The following WDR49 variants were observed in gnomAD, a reference collection of about 807,000 sequenced individuals.
WDR49 encodes the protein cilia- and flagella-associated protein 337.
In WDR49, 107 loss-of-function variants were observed where a neutral mutation model predicts 119.5. That is an observed-to-expected ratio of 0.90 (90% confidence interval 0.77 to 1.05). The LOEUF is 1.05. Ranked by LOEUF, WDR49 falls within the 50% of genes least tolerant of loss-of-function variation. The pLI is 0.00. For synonymous variants in WDR49, 425 were observed against 418.8 expected (o/e 1.01, Z -0.18); for missense variants, 1,240 against 1,220.5 (o/e 1.02, Z -0.24).
chr3:167,481,250 T>C (rs183689078), intron 18 of WDR49, among the ~76,000 whole-genome samples: 196 of 152,268 alleles, frequency 1.3e-3, no homozygotes, highest in Non-Finnish European at 2.2e-3. Context: ...CAAACATTGT[T>C]ACCAAGCATT....
intron 10 of WDR49, among the ~76,000 whole-genome samples, chr3:167,541,773 A>G (rs1232351050): frequency 6.6e-6 from 1 of 152,142 alleles, no homozygotes; most frequent in African/African-American, 2.4e-5. Context: ...ATGGATAAAA[A>G]TCCACCAGTC....
In WDR49 at chr3:167,574,889, T is replaced by C. The variant is rs550533256; in HGVS notation, c.1509+1029A>G. On this transcript the variant is annotated intron_variant, in intron 8 of 18. Transcript: ENST00000682715. ...GATCAGTAAAACATTTAGCAGGAAA[T>C]GTTTTCCCGCAGATGGAATTCAAAA... Among the ~76,000 whole-genome samples, 19 of 152,284 alleles carry C rather than the reference T, an allele frequency of 1.2e-4. No homozygotes were observed. In the South Asian group the frequency reaches 3.7e-3, roughly 30 times the overall value.
In WDR49 at chr3:167,583,293, TA is replaced by T. The variant is rs1036820934; in HGVS notation, c.1276-7143del. On this transcript the variant is annotated intron_variant, in intron 7 of 18. Coordinates refer to ENST00000682715, the MANE Select transcript of WDR49 (RefSeq NM_001366157.1). ...TACTCAATATTTATACTAACAACTT[TA>T]AAAAAAATCAAAAGCAGCTACAGCA... Among the ~76,000 whole-genome samples, 340 of 151,954 alleles carry T rather than the reference TA, an allele frequency of 2.2e-3. 3 individuals carry two copies. The highest frequency in any genetic ancestry group is 0.015 in the South Asian group (70 of 4,794).
At chr3:167,581,825 G>A (rs1386466880) in intron 7 of WDR49, among the ~76,000 whole-genome samples, 4 of 152,070 alleles carry the variant, frequency 2.6e-5, no homozygotes, top group Non-Finnish European at 1.5e-5. Context: ...CTAGCAACAT[G>A]TTTAATTCAA....
At chr3:167,602,944 T>C (rs938110538) in intron 6 of WDR49, among the ~76,000 whole-genome samples, 3 of 152,144 alleles carry the variant, frequency 2.0e-5, no homozygotes, top group Non-Finnish European at 2.9e-5. Flanking sequence ...GGCTACAGCA[T>C]ATAGCTTAGG....
At chr3:167,487,130 A>G (rs182134446) in intron 18 of WDR49, among the ~76,000 whole-genome samples, 2 of 152,280 alleles carry the variant, frequency 1.3e-5, no homozygotes, top group Non-Finnish European at 1.5e-5. Flanking sequence ...TTCAAACTAT[A>G]CTATAAGGCC....
At chr3:167,521,967 T>TAGAC (rs1560266067) in intron 16 of WDR49, among the ~76,000 whole-genome samples, 1 of 40,244 alleles carries the variant, frequency 2.5e-5, no homozygotes, top group African/African-American at 7.5e-5. Context: ...CATTCTAAGA[T>TAGAC]AGATAGATAG....
At position 167,627,304 on chromosome 3, in the gene WDR49, A is replaced by C; in HGVS notation, c.166-12T>G. 1 of 1,234,908 alleles carries C rather than the reference A, an allele frequency of 8.1e-7. No homozygotes were observed. Among genetic ancestry groups the C allele is most frequent in the Non-Finnish European group, 1.0e-6 (1 of 988,658 alleles). The allele number at this position is 1,234,908 out of a possible 1,614,324, so 76.5% of individuals were successfully genotyped here. A position where few individuals can be genotyped will look rare whatever the true frequency, so the allele number is the denominator to read the frequency against. ...CTTGGCTGTGGGGACTAGAAACAGG[A>C]ATCCAAAAACAATAATGAGACAACA... On this transcript the variant is annotated splice_polypyrimidine_tract_variant and intron_variant, in intron 2 of 18. Transcript: ENST00000682715.
chr3:167,527,772 A>G, intron 15 of WDR49, 48 bp downstream of exon 15: 1 of 1,553,252 alleles, frequency 6.4e-7, no homozygotes, highest in East Asian at 2.3e-5. Context: ...CCAAGTTAAT[A>G]CTAAATGTCA....
rs1292555574 is a variant in WDR49 at position 167,478,804 on chromosome 3, A to C, written c.*74T>G. 2 of 1,037,742 alleles carry C rather than the reference A, an allele frequency of 1.9e-6. No individual in the cohort carries two copies. Among genetic ancestry groups the C allele is most frequent in the Non-Finnish European group, 2.8e-6 (2 of 713,744 alleles). The allele number at this position is 1,037,742 out of a possible 1,614,324, so 64.3% of individuals were successfully genotyped here. On this transcript the variant is annotated 3_prime_UTR_variant, in exon 19 of 19. Coordinates refer to ENST00000682715, the MANE Select transcript of WDR49 (RefSeq NM_001366157.1). The stretch of plus-strand genomic sequence containing the variant: ...AAGTTTAAATATAAAATAAAATAAA[A>C]GGCAGAATTCTTGATGCTTTTTCTG...
At chr3:167,626,061 G>A (rs1025322545) in intron 3 of WDR49, among the ~76,000 whole-genome samples, 2 of 152,022 alleles carry the variant, frequency 1.3e-5, no homozygotes, top group Admixed American at 6.6e-5. Flanking sequence ...ATATGTACAT[G>A]ACTGGATATT....
chr3:167,547,660 T>C (rs1410036783), intron 10 of WDR49, among the ~76,000 whole-genome samples: 3 of 151,022 alleles, frequency 2.0e-5, no homozygotes, highest in Non-Finnish European at 4.4e-5. Context: ...GATTTTCTTT[T>C]TTTTTTTTTT....
chr3:167,655,211 A>T (rs2108351910), upstream of WDR49, among the ~76,000 whole-genome samples: 2 of 152,282 alleles, frequency 1.3e-5, no homozygotes, highest in Non-Finnish European at 2.9e-5. Flanking sequence ...AGATCTCATG[A>T]GACTTATTCA....
rs1717155220 is a variant in WDR49, at chr3:167,626,930, T to C, written c.528A>G (p.Thr176=). 3.8e-6 allele frequency: 5 copies of C among 1,301,774 alleles called. No individual in the cohort carries two copies. In the East Asian group the frequency reaches 8.7e-5, roughly 23 times the overall value. 80.6% of individuals were successfully genotyped at this position (1,301,774 alleles called of 1,614,324 possible). The part of the protein sequence containing the change: ...IWGEHLKLQE[T]FPITSDATKL... ...TGGTGGCATCTGAAGTGATGGGGAA[T>C]GTTTCTTGCAGCTTTAAATGCTCTC... The change falls in exon 3 of 19, where the codon ACA becomes ACG. Residue 176 remains threonine (T), a synonymous_variant. Transcript: ENST00000682715.
chr3:167,636,723 T>A (rs1717638090), intron 2 of WDR49, among the ~76,000 whole-genome samples: 1 of 151,996 alleles, frequency 6.6e-6, no homozygotes, highest in Non-Finnish European at 1.5e-5. Context: ...TGGTTTTGAT[T>A]TGCATTCTCC....
At chr3:167,644,057 CTT>C (rs1202109148) in intron 2 of WDR49, among the ~76,000 whole-genome samples, 95 of 137,078 alleles carry the variant, frequency 6.9e-4, no homozygotes, top group African/African-American at 1.3e-3. Flanking sequence ...CAATCCCCAC[CTT>C]TTTTTTTTTT....
chr3:167,638,025 CT>C (rs1184835543), intron 2 of WDR49, among the ~76,000 whole-genome samples: 1 of 151,004 alleles, frequency 6.6e-6, no homozygotes, highest in Admixed American at 6.6e-5. Flanking sequence ...AGTGTAGAGA[CT>C]AGGTGTGCTG....
chr3:167,591,914 G>A (rs1715136083), intron 7 of WDR49, among the ~76,000 whole-genome samples: 1 of 152,032 alleles, frequency 6.6e-6, no homozygotes, highest in African/African-American at 2.4e-5. Flanking sequence ...GACAAGTAAA[G>A]ACTTACTTCT....
chr3:167,483,289 C>G (rs1055010358), intron 18 of WDR49, among the ~76,000 whole-genome samples: 1 of 152,166 alleles, frequency 6.6e-6, no homozygotes, highest in Non-Finnish European at 1.5e-5. Flanking sequence ...ATTCAGAATG[C>G]CTTTGAGCCC....
Sources: allele counts gnomAD v4.1 joint callset (sites outside exome capture counted in the v4.1 genomes callset), GRCh38; gene constraint gnomAD v4.1.1; transcripts MANE v1.5; gene names NCBI Gene and HGNC (gene_info 2026-07-23, HGNC 2026-07-21).